RBFOX1: variants seen among roughly 807,000 people sequenced by gnomAD.
RBFOX1 encodes the protein RNA binding fox-1 homolog 1.
Under a neutral mutation model 57.7 loss-of-function variants are expected in RBFOX1, and 8 were observed. The ratio of observed to expected loss-of-function variants is 0.14; its 90% CI spans 0.08 to 0.25. The LOEUF is 0.25. RBFOX1 is among the 10% of genes least tolerant of loss of function. RBFOX1 has a pLI of 1.00. For synonymous variants in RBFOX1, 326 were observed against 222.4 expected (o/e 1.47, Z -4.15); for missense variants, 611 against 548.5 (o/e 1.11, Z -1.14).
At chr16:5,697,262 C>T (rs925680171) in intron 3 of RBFOX1, among the ~76,000 whole-genome samples, 3 of 152,008 alleles carry the variant, frequency 2.0e-5, no homozygotes, top group Non-Finnish European at 4.4e-5. Flanking sequence ...CGTCATTTGT[C>T]AAGACTGTTT....
intron 3 of RBFOX1, among the ~76,000 whole-genome samples, chr16:6,973,556 C>G (rs2086077592): frequency 6.6e-6 from 1 of 152,146 alleles, no homozygotes; most frequent in African/African-American, 2.4e-5. Context: ...TTTGGAGAGT[C>G]TGTTTATTTC....
intron 4 of RBFOX1, among the ~76,000 whole-genome samples, chr16:7,104,303 C>T (rs1237409464): frequency 6.6e-6 from 1 of 152,102 alleles, no homozygotes; most frequent in East Asian, 1.9e-4. Flanking sequence ...GGATATAAGA[C>T]AGTCCTGTTA....
intron 3 of RBFOX1, among the ~76,000 whole-genome samples, chr16:6,834,889 C>G (rs2092971718): frequency 1.7e-5 from 2 of 120,308 alleles, no homozygotes; most frequent in East Asian, 3.0e-4. Flanking sequence ...CCTGACTTCT[C>G]TATTTTTTTT....
intron 2 of RBFOX1, among the ~76,000 whole-genome samples, chr16:5,574,699 T>A (rs2046397359): frequency 6.6e-6 from 1 of 152,128 alleles, no homozygotes; most frequent in Non-Finnish European, 1.5e-5. Flanking sequence ...CCAAAATGCG[T>A]TACATGCTTT....
intron 3 of RBFOX1, among the ~76,000 whole-genome samples, chr16:6,856,768 A>G (rs34142727): frequency 0.24 from 35,872 of 152,014 alleles, 4,381 homozygotes; most frequent in East Asian, 0.29. Flanking sequence ...AAAAACCGCC[A>G]CTCAAGCACT....
intron 3 of RBFOX1, among the ~76,000 whole-genome samples, chr16:6,932,616 G>A (rs1373350950): frequency 6.6e-6 from 1 of 152,160 alleles, no homozygotes; most frequent in Non-Finnish European, 1.5e-5. Flanking sequence ...CTGTCCACAG[G>A]CTGCCCAAAC....
chr16:5,921,904 C>T (rs1355732862), intron 4 of RBFOX1, among the ~76,000 whole-genome samples: 1 of 151,886 alleles, frequency 6.6e-6, no homozygotes, highest in Non-Finnish European at 1.5e-5. Context: ...GTAATCCCAG[C>T]ACTTTGGGAA....
rs140598976 is a variant in RBFOX1 at position 7,309,836 on chromosome 16, G to T, written c.28-208311G>T. ...GGTGATGAGCAGCACATGTCATCCC[G>T]TGAAGGAAGCAGAGCTGACAGGTGT... On this transcript the variant is annotated intron_variant, in intron 4 of 15. Coordinates refer to ENST00000550418, the MANE Select transcript of RBFOX1 (RefSeq NM_018723.4). 9.7e-4 allele frequency among the ~76,000 whole-genome samples: 147 copies of T among 152,330 alleles called. 1 individual carries two copies. The highest frequency in any genetic ancestry group is 2.8e-3 in the African/African-American group (117 of 41,570).
At chr16:6,378,447 G>T (rs1170852157) in intron 2 of RBFOX1, among the ~76,000 whole-genome samples, 1 of 152,212 alleles carries the variant, frequency 6.6e-6, no homozygotes, top group Non-Finnish European at 1.5e-5. Flanking sequence ...TTGTTGAGCA[G>T]GGTTGCAATT....
chr16:7,299,219 G>T (rs940287108), intron 4 of RBFOX1, among the ~76,000 whole-genome samples: 1 of 152,106 alleles, frequency 6.6e-6, no homozygotes, highest in African/African-American at 2.4e-5. Flanking sequence ...TTATTGATAG[G>T]CATTTTATTC....
chr16:5,396,801 C>A (rs141583819), intron 1 of RBFOX1, among the ~76,000 whole-genome samples: 2 of 152,280 alleles, frequency 1.3e-5, no homozygotes, highest in East Asian at 3.9e-4. Context: ...CTCCTTGAAG[C>A]CAGCAAACTC....
intron 3 of RBFOX1, among the ~76,000 whole-genome samples, chr16:6,988,061 T>G (rs1046882100): frequency 2.0e-5 from 3 of 152,140 alleles, no homozygotes; most frequent in African/African-American, 7.2e-5. Flanking sequence ...TTACCCCACA[T>G]TCCACAGCCA....
intron 4 of RBFOX1, among the ~76,000 whole-genome samples, chr16:7,068,628 C>G (rs2056671269): frequency 6.6e-6 from 1 of 152,014 alleles, no homozygotes; most frequent in South Asian, 2.1e-4. Context: ...CTCTTGTTTC[C>G]CAGGCTGGAG....
At position 6,895,142 on chromosome 16, in the gene RBFOX1, C is replaced by G. The variant is rs899762491; in HGVS notation, c.-15-156915C>G. Among the ~76,000 whole-genome samples the G allele has an allele frequency of 2.6e-5, 4 of 151,824 alleles. No individual in the cohort carries two copies. In the East Asian group the frequency reaches 5.8e-4, roughly 22 times the overall value. ...CATAGAAGTTCAGTTCAGAGAAGCA[C>G]CAAATCAAAAAAGATGATCTATATT... On this transcript the variant is annotated intron_variant, in intron 3 of 15. Transcript: ENST00000550418.
chr16:7,477,790 TG>T (rs886476873), intron 4 of RBFOX1, among the ~76,000 whole-genome samples: 5 of 152,018 alleles, frequency 3.3e-5, no homozygotes, highest in African/African-American at 9.7e-5. Context: ...ACCACACAGC[TG>T]GGGGGAAGGT....
intron 2 of RBFOX1, among the ~76,000 whole-genome samples, chr16:6,491,162 C>G (rs935022109): frequency 6.6e-6 from 1 of 151,308 alleles, no homozygotes. Context: ...AGACTAGAAG[C>G]TACATAGTCT....
chr16:6,391,330 A>G (rs2092590070), intron 2 of RBFOX1, among the ~76,000 whole-genome samples: 1 of 152,072 alleles, frequency 6.6e-6, no homozygotes, highest in Non-Finnish European at 1.5e-5. Flanking sequence ...TAACACGGTG[A>G]AACCCCGTCT....
At chr16:5,498,478 G>A (rs908831444) in intron 2 of RBFOX1, among the ~76,000 whole-genome samples, 2 of 152,114 alleles carry the variant, frequency 1.3e-5, no homozygotes, top group African/African-American at 4.8e-5. Context: ...GATGGTGGGT[G>A]TTTGTTTTTG....
chr16:7,125,056 G>C (rs2068147475), intron 4 of RBFOX1, among the ~76,000 whole-genome samples: 1 of 152,136 alleles, frequency 6.6e-6, no homozygotes, highest in South Asian at 2.1e-4. Context: ...ATTGAGGTTT[G>C]GATGAAGAGA....
Sources: allele counts gnomAD v4.1 joint callset (sites outside exome capture counted in the v4.1 genomes callset), GRCh38; gene constraint gnomAD v4.1.1; transcripts MANE v1.5; gene names NCBI Gene and HGNC (gene_info 2026-07-23, HGNC 2026-07-21).